Variants in KCNMA1 observed in about 807,000 individuals in gnomAD.
The protein encoded by KCNMA1 is Calcium-activated potassium channel subunit alpha-1.
Under a neutral mutation model 140.0 loss-of-function variants are expected in KCNMA1, and 29 were observed. The ratio of observed to expected loss-of-function variants is 0.21; its 90% confidence interval spans 0.15 to 0.28. The LOEUF (loss-of-function observed/expected upper bound fraction) is 0.28, where lower values mean the gene tolerates loss of function less well. KCNMA1 is among the 10% of genes least tolerant of loss of function. The probability of loss-of-function intolerance (pLI) is 1.00; values close to 1 mark genes in which losing one functional copy is unlikely to be tolerated. For synonymous variants in KCNMA1, 612 were observed against 611.9 expected (o/e 1.00, Z 0.00); for missense variants, 880 against 1,602.2 (o/e 0.55, Z 7.70).
intron 2 of KCNMA1, among the ~76,000 whole-genome samples, chr10:77,324,314 G>A (rs2083232040): frequency 6.6e-6 from 1 of 152,130 alleles, no homozygotes; most frequent in African/African-American, 2.4e-5. Flanking sequence ...CCAGTGTCCT[G>A]TAAAATGGGA....
intron 1 of KCNMA1, among the ~76,000 whole-genome samples, chr10:77,548,330 T>C (rs899708438): frequency 4.6e-5 from 7 of 152,204 alleles, no homozygotes; most frequent in Non-Finnish European, 1.0e-4. Flanking sequence ...GCCCAACACT[T>C]GGAAGCCTAA....
At position 77,298,936 on chromosome 10, in the gene KCNMA1, G is replaced by A. The variant is rs950446596; in HGVS notation, c.541-47680C>T. Among the ~76,000 whole-genome samples the A allele has an allele frequency of 3.9e-5, 6 of 152,286 alleles. No homozygotes were observed. The South Asian group carries it at 8.3e-4, about 21-fold the overall frequency. On this transcript the variant is annotated intron_variant, in intron 2 of 27. Transcript: ENST00000286628. ...TGCCCTGAACATTCATGGGACCTGC[G>A]CCCCAGAGCATCAGATGGGCCTCTC...
At chr10:77,387,780 G>C (rs1188678060) in intron 2 of KCNMA1, among the ~76,000 whole-genome samples, 1 of 151,914 alleles carries the variant, frequency 6.6e-6, no homozygotes, top group African/African-American at 2.4e-5. Context: ...AGCATGCTCA[G>C]CTAATTTTTA....
At chr10:77,400,751 G>A (rs902135964) in intron 2 of KCNMA1, among the ~76,000 whole-genome samples, 2 of 152,154 alleles carry the variant, frequency 1.3e-5, no homozygotes, top group Admixed American at 1.3e-4. Context: ...ACAGCAATAA[G>A]GAGATACGGA....
chr10:77,518,568 G>A (rs1431067012), intron 1 of KCNMA1, among the ~76,000 whole-genome samples: 1 of 152,198 alleles, frequency 6.6e-6, no homozygotes, highest in Non-Finnish European at 1.5e-5. Context: ...GAAGGGGACA[G>A]GGCCGAAGGA....
Position 77,329,748 on chromosome 10 carries a change from G to A in KCNMA1, c.540+74114C>T, listed in dbSNP as rs368963433. 1.1e-4 allele frequency among the ~76,000 whole-genome samples: 16 copies of A among 152,260 alleles called. No individual in the cohort carries two copies. In the East Asian group the frequency reaches 1.5e-3, roughly 15 times the overall value. On this transcript the variant is annotated intron_variant, in intron 2 of 27. Transcript: ENST00000286628. ...ACAGAAAATATTTAGTAGGAGCAAG[G>A]CTCTGAGATTTCAATCCTAACCTCT...
chr10:77,637,159 G>A (rs964824845), intron 1 of KCNMA1, 106 bp downstream of exon 1: 48 of 1,257,724 alleles, frequency 3.8e-5, no homozygotes, highest in Non-Finnish European at 5.0e-5. Flanking sequence ...AGGCAGGCGG[G>A]GATGGAGGGA....
intron 5 of KCNMA1, among the ~76,000 whole-genome samples, chr10:77,128,684 CACA>C (rs2097792325): frequency 6.6e-6 from 1 of 152,192 alleles, no homozygotes; most frequent in South Asian, 2.1e-4. Flanking sequence ...TTTAGGCTGT[CACA>C]ACGACTCAAC....
chr10:76,988,906 TC>T (rs1423253166), intron 19 of KCNMA1, among the ~76,000 whole-genome samples: 2 of 152,190 alleles, frequency 1.3e-5, no homozygotes, highest in Admixed American at 1.3e-4. Context: ...GGAGATGGTG[TC>T]CCCGTTTGGC....
At chr10:77,506,246 G>C (rs1479027787) in intron 1 of KCNMA1, among the ~76,000 whole-genome samples, 1 of 152,134 alleles carries the variant, frequency 6.6e-6, no homozygotes, top group East Asian at 1.9e-4. Context: ...AGATGACCCT[G>C]ATGGGCAGGT....
intron 18 of KCNMA1, among the ~76,000 whole-genome samples, chr10:77,011,253 G>T (rs2090657430): frequency 6.6e-6 from 1 of 152,128 alleles, no homozygotes; most frequent in Non-Finnish European, 1.5e-5. Flanking sequence ...TGGTATCTCA[G>T]GAGCTCACAA....
rs201814837 is a variant in KCNMA1, at chr10:76,887,252, G to A, written c.*14C>T. 67 of 1,613,832 alleles carry A rather than the reference G, an allele frequency of 4.2e-5. No individual in the cohort carries two copies. Among genetic ancestry groups the A allele is most frequent in the Non-Finnish European group, 5.3e-5 (62 of 1,179,976 alleles). On this transcript the variant is annotated 3_prime_UTR_variant, in exon 28 of 28. Coordinates refer to ENST00000286628, the MANE Select transcript of KCNMA1 (RefSeq NM_001161352.2). ...GGCAGATACAGTTTCACACAGTGGCGGTGGATACACATATCAAAGCCGCTC... is the reference window on the plus strand; with the variant it reads ...GGCAGATACAGTTTCACACAGTGGCAGTGGATACACATATCAAAGCCGCTC...
intron 3 of KCNMA1, among the ~76,000 whole-genome samples, chr10:77,187,159 T>A (rs1214778109): frequency 6.6e-6 from 1 of 152,072 alleles, no homozygotes; most frequent in Admixed American, 6.6e-5. Context: ...TACAGCTAAT[T>A]GGAAAAGTAT....
In KCNMA1 at chr10:76,886,794, T is replaced by TAAAC. The variant is rs1379572280; in HGVS notation, c.*468_*471dup. On this transcript the variant is annotated 3_prime_UTR_variant, in exon 28 of 28. Coordinates refer to ENST00000286628, the MANE Select transcript of KCNMA1 (RefSeq NM_001161352.2). ...TTGCTGTTTGGTTGCTTGTTTCAAATAAACATGTGCTAACTTATTGTGTGT... is the reference window on the plus strand; with the variant it reads ...TTGCTGTTTGGTTGCTTGTTTCAAATAAACAAACATGTGCTAACTTATTGTGTGT... 4.9e-6 allele frequency: 5 copies of TAAAC among 1,030,856 alleles called. No individual in the cohort carries two copies. The East Asian group carries it at 3.4e-4, about 71-fold the overall frequency. The allele number at this position is 1,030,856 out of a possible 1,614,324, so 63.9% of individuals were successfully genotyped here. A position where few individuals can be genotyped will look rare whatever the true frequency, so the allele number is the denominator to read the frequency against.
chr10:77,297,582 AT>A (rs1245699267), intron 2 of KCNMA1, among the ~76,000 whole-genome samples: 1 of 152,160 alleles, frequency 6.6e-6, no homozygotes, highest in African/African-American at 2.4e-5. Context: ...ATGTGAACCT[AT>A]TTGGTAAACT....
intron 23 of KCNMA1, chr10:76,929,827 C>T (rs988917447): frequency 2.0e-5 from 3 of 152,196 alleles, no homozygotes; most frequent in Non-Finnish European, 4.4e-5. Flanking sequence ...AGAATTAAAT[C>T]CACCCATTTA....
chr10:77,403,380 T>A (rs1342202082), intron 2 of KCNMA1, among the ~76,000 whole-genome samples: 1 of 152,136 alleles, frequency 6.6e-6, no homozygotes, highest in East Asian at 1.9e-4. Flanking sequence ...AGGGCCCAGC[T>A]CACACACTGC....
chr10:77,456,789 C>T (rs890220255), intron 1 of KCNMA1, among the ~76,000 whole-genome samples: 1 of 152,154 alleles, frequency 6.6e-6, no homozygotes, highest in African/African-American at 2.4e-5. Context: ...AGATGGGACA[C>T]AGTTGATTCT....
At chr10:76,928,719 A>T (rs1441140979) in intron 23 of KCNMA1, among the ~76,000 whole-genome samples, 1 of 152,174 alleles carries the variant, frequency 6.6e-6, no homozygotes, top group Admixed American at 6.5e-5. Flanking sequence ...GCAATCAAAG[A>T]CAATAACACT....
Sources: allele counts gnomAD v4.1 joint callset (sites outside exome capture counted in the v4.1 genomes callset), GRCh38; gene constraint gnomAD v4.1.1; transcripts MANE v1.5; gene names NCBI Gene and HGNC (gene_info 2026-07-23, HGNC 2026-07-21).